CNGA3: variants seen among roughly 807,000 people sequenced by gnomAD.
The protein encoded by CNGA3 is cyclic nucleotide gated channel subunit alpha 3, also known as cyclic nucleotide-gated channel alpha-3.
Under a neutral mutation model 46.6 loss-of-function variants are expected in CNGA3, and 42 were observed. That is an observed-to-expected ratio of 0.90 (90% CI 0.70 to 1.17). CNGA3 has a LOEUF of 1.17. Among genes scored for constraint, CNGA3 ranks in the 50% most tolerant of loss-of-function variants. The pLI, the probability that CNGA3 is intolerant of heterozygous loss-of-function variation, is 0.00. For missense variants in CNGA3, 893 were observed against 890.7 expected, an observed-to-expected ratio of 1.00 and a Z score of -0.03; for synonymous variants, 394 against 369.4, an observed-to-expected ratio of 1.07 and a Z score of -0.76.
At chr2:98,389,084 T>C (rs752767208) in intron 5 of CNGA3, among the ~76,000 whole-genome samples, 1 of 152,250 alleles carries the variant, frequency 6.6e-6, no homozygotes, top group Admixed American at 6.5e-5. Context: ...AGGCTTTTGA[T>C]GGAGAGGTGT....
intron 1 of CNGA3, among the ~76,000 whole-genome samples, chr2:98,367,464 G>A (rs1438047161): frequency 6.6e-6 from 1 of 152,072 alleles, no homozygotes; most frequent in African/African-American, 2.4e-5. Flanking sequence ...AAAGTGCGGG[G>A]ATTACGGGCG....
At chr2:98,353,920 T>A (rs1343887095) in intron 1 of CNGA3, among the ~76,000 whole-genome samples, 1 of 152,142 alleles carries the variant, frequency 6.6e-6, no homozygotes, top group Non-Finnish European at 1.5e-5. Context: ...TCATGAGAAC[T>A]CACTCACTGT....
Position 98,380,159 on chromosome 2 carries a change from T to C in CNGA3, c.216-16T>C. On this transcript the variant is annotated splice_polypyrimidine_tract_variant and intron_variant, in intron 3 of 7. Coordinates refer to ENST00000272602, the MANE Select transcript of CNGA3 (RefSeq NM_001298.3). The stretch of plus-strand genomic sequence containing the variant: ...TTTTCCTCTCCCTCTGGCTCAGTGC[T>C]TGTGTCACCTTCCAGGCTGTCGCGC... 2 of 1,613,890 alleles carry C rather than the reference T, an allele frequency of 1.2e-6. No individual in the cohort carries two copies. Among genetic ancestry groups the C allele is most frequent in the Non-Finnish European group, 1.7e-6 (2 of 1,180,042 alleles).
chr2:98,349,984 T>C (rs1279709053), intron 1 of CNGA3, among the ~76,000 whole-genome samples: 1 of 152,192 alleles, frequency 6.6e-6, no homozygotes, highest in African/African-American at 2.4e-5. Context: ...CCATTCAGAA[T>C]AGTTTTGCTC....
chr2:98,396,859 C>T lies in CNGA3; in HGVS notation c.1689C>T (p.Arg563=), dbSNP rs1254174514. The T allele has an allele frequency of 6.2e-7, 1 of 1,614,188 alleles. No homozygotes were observed. The highest frequency in any genetic ancestry group is 8.5e-7 in the Non-Finnish European group (1 of 1,180,038). The change falls in exon 8 of 8, where the codon CGC becomes CGT. Residue 563 remains arginine (R), a synonymous_variant. Transcript: ENST00000272602. ...TCAAGGGGAGCAAGTCGGGGAACCGCAGGACGGCCAACATCCGCAGCATTG... is the reference window on the plus strand; with the variant it reads ...TCAAGGGGAGCAAGTCGGGGAACCGTAGGACGGCCAACATCCGCAGCATTG... ...LNIKGSKSGN[R]RTANIRSIGY...
intron 7 of CNGA3, among the ~76,000 whole-genome samples, chr2:98,392,574 A>C (rs555785821): frequency 7.0e-6 from 1 of 143,332 alleles, no homozygotes; most frequent in African/African-American, 3.0e-5. Context: ...AAAAGAAAAA[A>C]AAAAGAAAAG....
intron 1 of CNGA3, among the ~76,000 whole-genome samples, chr2:98,367,182 TTTC>T (rs1307717710): frequency 1.7e-4 from 22 of 127,396 alleles, no homozygotes; most frequent in African/African-American, 5.2e-4. Context: ...TTTTCTTTTT[TTTC>T]TTTTTTTTTT....
chr2:98,391,265 T>C (rs546942303), intron 6 of CNGA3, among the ~76,000 whole-genome samples: 1 of 152,242 alleles, frequency 6.6e-6, no homozygotes, highest in African/African-American at 2.4e-5. Context: ...GGCAAGCTGC[T>C]GCTCTCTGGT....
chr2:98,374,355 G>T (rs1692357948), intron 2 of CNGA3, among the ~76,000 whole-genome samples: 1 of 152,152 alleles, frequency 6.6e-6, no homozygotes, highest in Admixed American at 6.5e-5. Flanking sequence ...AACATCAGGG[G>T]GGCCTCTTCC....
At position 98,346,504 on chromosome 2, in the gene CNGA3, C is replaced by T. The variant is rs1691625071; in HGVS notation, c.-68C>T. 2 of 398,278 alleles carry T rather than the reference C, an allele frequency of 5.0e-6. No individual in the cohort carries two copies. The highest frequency in any genetic ancestry group is 4.4e-5 in the Admixed American group (1 of 22,700). 24.7% of individuals were successfully genotyped at this position (398,278 alleles called of 1,614,324 possible). On this transcript the variant is annotated 5_prime_UTR_variant, in exon 1 of 8. Coordinates refer to ENST00000272602, the MANE Select transcript of CNGA3 (RefSeq NM_001298.3). Reference sequence around the variant, plus strand: ...GGAGGAGGCGCTCCGCAGACCCTGGCGCGCCGCGGAGAAGCTCAAACTTTG... The same window carrying T: ...GGAGGAGGCGCTCCGCAGACCCTGGTGCGCCGCGGAGAAGCTCAAACTTTG...
At chr2:98,379,162 C>T (rs1692481508) in intron 3 of CNGA3, among the ~76,000 whole-genome samples, 1 of 152,192 alleles carries the variant, frequency 6.6e-6, no homozygotes, top group Non-Finnish European at 1.5e-5. Context: ...TTGGCAGATA[C>T]CTCCAAATAT....
At chr2:98,365,773 G>A (rs1236763909) in intron 1 of CNGA3, among the ~76,000 whole-genome samples, 2 of 152,048 alleles carry the variant, frequency 1.3e-5, no homozygotes, top group Admixed American at 6.5e-5. Flanking sequence ...TCTCTAAACT[G>A]GTTACTCTGG....
intron 2 of CNGA3, among the ~76,000 whole-genome samples, chr2:98,372,261 C>T (rs1021958575): frequency 6.6e-6 from 1 of 152,230 alleles, no homozygotes; most frequent in Admixed American, 6.5e-5. Flanking sequence ...CCTGTTGAAG[C>T]TTGCAAGGCC....
chr2:98,354,201 TTTA>T (rs1691829546), intron 1 of CNGA3, among the ~76,000 whole-genome samples: 2 of 152,244 alleles, frequency 1.3e-5, no homozygotes, highest in South Asian at 4.1e-4. Context: ...TTGTTTTATT[TTTA>T]TTGTTGTATT....
At chr2:98,366,293 A>G (rs1294470804) in intron 1 of CNGA3, among the ~76,000 whole-genome samples, 2 of 152,156 alleles carry the variant, frequency 1.3e-5, no homozygotes, top group Non-Finnish European at 2.9e-5. Flanking sequence ...TCCGTCTCAA[A>G]GGGGCGCTGA....
chr2:98,368,564 C>T (rs186185117), intron 1 of CNGA3, among the ~76,000 whole-genome samples: 6 of 152,334 alleles, frequency 3.9e-5, no homozygotes, highest in Admixed American at 6.5e-5. Flanking sequence ...ATGTTCATGA[C>T]CTGATTTCTG....
intron 2 of CNGA3, among the ~76,000 whole-genome samples, chr2:98,370,632 T>C (rs1214909356): frequency 6.6e-6 from 1 of 152,182 alleles, no homozygotes; most frequent in African/African-American, 2.4e-5. Context: ...GAAATGGAAA[T>C]CTGGAGCCTT....
chr2:98,397,222 G>A lies in CNGA3; in HGVS notation c.2052G>A (p.Gly684=), dbSNP rs376161032. Reference sequence around the variant, plus strand: ...CCCTGGCTGATGGGGAAGTTCCCGGGGATGCTACAAAAACAGAGGACAAAC... The same window carrying A: ...CCCTGGCTGATGGGGAAGTTCCCGGAGATGCTACAAAAACAGAGGACAAAC... ...DKPLADGEVP[G]DATKTEDKQQ The change falls in exon 8 of 8, where the codon GGG becomes GGA. Residue 684 remains glycine (G), a synonymous_variant. Transcript: ENST00000272602. 9 of 1,613,830 alleles carry A rather than the reference G, an allele frequency of 5.6e-6. No homozygotes were observed. Among genetic ancestry groups the A allele is most frequent in the Middle Eastern group, 1.6e-4 (1 of 6,084 alleles).
intron 2 of CNGA3, among the ~76,000 whole-genome samples, chr2:98,374,380 C>T (rs1210534071): frequency 6.6e-6 from 1 of 152,198 alleles, no homozygotes; most frequent in Admixed American, 6.5e-5. Flanking sequence ...AAGGCATCGA[C>T]CCCACATGGG....
Sources: allele counts gnomAD v4.1 joint callset (sites outside exome capture counted in the v4.1 genomes callset), GRCh38; gene constraint gnomAD v4.1.1; transcripts MANE v1.5; gene names NCBI Gene and HGNC (gene_info 2026-07-23, HGNC 2026-07-21).